THADA: variants seen among roughly 807,000 people sequenced by gnomAD.
THADA encodes the protein THADA armadillo repeat containing, also known as tRNA (32-2'-O)-methyltransferase regulator THADA.
THADA carries 213 observed loss-of-function variants against 219.8 expected under a neutral mutation model. The observed-to-expected ratio is 0.97, with a 90% confidence interval of 0.87 to 1.09. THADA has a LOEUF of 1.09. Ranked by LOEUF, THADA falls within the 50% of genes least tolerant of loss-of-function variation. THADA has a pLI of 0.00. For synonymous variants in THADA, 1,018 were observed against 828.9 expected (o/e 1.23, Z -3.92); for missense variants, 2,956 against 2,311.3 (o/e 1.28, Z -5.72).
intron 21 of THADA, among the ~76,000 whole-genome samples, chr2:43,534,207 A>G (rs1694256950): frequency 2.0e-5 from 3 of 152,186 alleles, no homozygotes; most frequent in Non-Finnish European, 4.4e-5. Context: ...TCATTGACAA[A>G]TAATTATCCA....
intron 26 of THADA, among the ~76,000 whole-genome samples, chr2:43,458,147 G>C (rs2104918998): frequency 6.6e-6 from 1 of 152,278 alleles, no homozygotes; most frequent in South Asian, 2.1e-4. Flanking sequence ...GGTTACTCAA[G>C]TTCATGGATT....
chr2:43,361,345 T>C (rs11884007), intron 29 of THADA, among the ~76,000 whole-genome samples: 4,146 of 152,294 alleles, frequency 0.027, 136 homozygotes, highest in African/African-American at 0.076. Context: ...TAAAAGATAA[T>C]TGATGTACAA....
chr2:43,567,156 T>C (rs1470563894), intron 14 of THADA, among the ~76,000 whole-genome samples: 2 of 151,686 alleles, frequency 1.3e-5, no homozygotes, highest in Admixed American at 6.6e-5. Context: ...CTACCAAAGA[T>C]CCCTGCATTC....
In THADA at chr2:43,398,057, T is replaced by G. The variant is rs370231636; in HGVS notation, c.4141A>C (p.Asn1381His). ...VPFVMIDHIP[N>H]TIRTLLSTLP... ...GTGGACAACAGAGTTCGAATGGTAT[T>G]AGGAATGTGATCTATCATAACAAAT... The change falls in exon 29 of 38, where the codon AAT becomes CAT. Residue 1381 changes from asparagine (N) to histidine (H), a missense_variant. Physicochemically the swap from Asn to His is moderately conservative, Grantham distance 68. Transcript: ENST00000405975. 2.1e-4 allele frequency: 340 copies of G among 1,613,842 alleles called. 1 individual carries two copies. Among genetic ancestry groups the G allele is most frequent in the Non-Finnish European group, 2.7e-4 (318 of 1,179,858 alleles).
intron 26 of THADA, among the ~76,000 whole-genome samples, chr2:43,469,152 G>A (rs971598310): frequency 2.9e-4 from 44 of 152,244 alleles, no homozygotes; most frequent in African/African-American, 1.0e-3. Context: ...TCAGCATACT[G>A]TAAGCAAAAG....
chr2:43,585,930 C>G (rs1700974957), intron 7 of THADA, among the ~76,000 whole-genome samples: 2 of 151,686 alleles, frequency 1.3e-5, no homozygotes, highest in Admixed American at 6.6e-5. Flanking sequence ...AATTAAATAT[C>G]AAACCTCTAA....
intron 27 of THADA, 117 bp from the exon 28 acceptor site, chr2:43,428,348 C>T (rs755736469): frequency 2.6e-5 from 26 of 1,008,740 alleles, no homozygotes; most frequent in Non-Finnish European, 3.5e-5. Flanking sequence ...TGACTAATGC[C>T]TGTAATCCCA....
chr2:43,570,584 T>C, intron 13 of THADA, 74 bp from the exon 14 acceptor site: 1 of 1,483,484 alleles, frequency 6.7e-7, no homozygotes. Flanking sequence ...AGGCAAATTA[T>C]TTAGAATAAA....
intron 21 of THADA, among the ~76,000 whole-genome samples, chr2:43,529,272 A>T (rs1693573257): frequency 6.6e-6 from 1 of 152,148 alleles, no homozygotes; most frequent in African/African-American, 2.4e-5. Context: ...AGGTTACAGT[A>T]ATACTCCCAC....
chr2:43,492,986 G>C (rs1235190224), intron 25 of THADA, among the ~76,000 whole-genome samples: 1 of 152,178 alleles, frequency 6.6e-6, no homozygotes, highest in Non-Finnish European at 1.5e-5. Context: ...AGCACAGCTA[G>C]GTTTCAGCAG....
Position 43,308,417 on chromosome 2 carries a change from G to A in THADA, c.4438+12029C>T, listed in dbSNP as rs560802695. 1.0e-3 allele frequency among the ~76,000 whole-genome samples: 154 copies of A among 150,988 alleles called. 1 individual carries two copies. The highest frequency in any genetic ancestry group is 3.6e-3 in the African/African-American group (147 of 41,156). On this transcript the variant is annotated intron_variant, in intron 31 of 37. Coordinates refer to ENST00000405975, the MANE Select transcript of THADA (RefSeq NM_022065.5). ...AGGAAATATTTAAAGCAATAATGGT[G>A]TTGGGGGCTGGGCACGGTGGCTCAC...
intron 22 of THADA, among the ~76,000 whole-genome samples, chr2:43,515,130 TATATAATATATAA>T: frequency 9.1e-5 from 1 of 11,002 alleles, no homozygotes; most frequent in African/African-American, 4.6e-4. Context: ...ATATATTTTA[TATATAATATATAA>T]TATATTTTAT....
chr2:43,570,237 A>T, intron 14 of THADA, 151 bp downstream of exon 14: 1 of 738,382 alleles, frequency 1.4e-6, no homozygotes, highest in Non-Finnish European at 2.1e-6. Flanking sequence ...GTAGAGTACC[A>T]AAGCACCAGA....
chr2:43,445,150 C>G (rs546726324), intron 26 of THADA, among the ~76,000 whole-genome samples: 2 of 152,240 alleles, frequency 1.3e-5, no homozygotes, highest in South Asian at 4.1e-4. Flanking sequence ...ACAGTGATTG[C>G]TGATAAAAAC....
chr2:43,388,756 A>G (rs1214979678), intron 29 of THADA, among the ~76,000 whole-genome samples: 5 of 152,242 alleles, frequency 3.3e-5, no homozygotes, highest in Non-Finnish European at 5.9e-5. Flanking sequence ...GATAACACAT[A>G]AAGTCAAAAT....
intron 30 of THADA, among the ~76,000 whole-genome samples, chr2:43,338,782 G>A (rs544293791): frequency 6.6e-6 from 1 of 152,198 alleles, no homozygotes; most frequent in African/African-American, 2.4e-5. Flanking sequence ...CACCTGAGCT[G>A]TTTCCATGTT....
chr2:43,506,069 TAAAC>T (rs1428081146), intron 23 of THADA, among the ~76,000 whole-genome samples: 7 of 152,190 alleles, frequency 4.6e-5, no homozygotes, highest in Non-Finnish European at 8.8e-5. Flanking sequence ...TCTGATAAAA[TAAAC>T]AAATCAGTTT....
chr2:43,236,948 T>G (rs1486662597), intron 36 of THADA, among the ~76,000 whole-genome samples: 1 of 149,624 alleles, frequency 6.7e-6, no homozygotes, highest in Non-Finnish European at 1.5e-5. Context: ...GGTGGGCGCC[T>G]GTAGTCCCAG....
rs1174916300 is a variant in THADA, at chr2:43,485,252, T to G, written c.3818A>C (p.Glu1273Ala). 1.9e-6 allele frequency: 3 copies of G among 1,612,682 alleles called. No homozygotes were observed. Among genetic ancestry groups the G allele is most frequent in the Non-Finnish European group, 1.7e-6 (2 of 1,179,048 alleles). ...AGCTTACCTATTTGTTTTGGAATGT[T>G]CATCCTTTGCCCTTTTAACTCCAAA... ...RIFGVKRAKD[E>A]HSKTNRMTGR... is the part of the protein sequence containing the mutation. The change falls in exon 26 of 38, where the codon GAA (glutamate) becomes GCA (alanine). Residue 1273 changes from glutamate to alanine, a missense_variant. By Grantham distance (107) the Glu-to-Ala change is moderately radical. Transcript: ENST00000405975.
Sources: gnomAD v4.1 joint callset for allele counts (sites outside exome capture counted in the v4.1 genomes callset) on GRCh38, gnomAD v4.1.1 for gene constraint, MANE v1.5 for transcripts, NCBI Gene and HGNC (gene_info 2026-07-23, HGNC 2026-07-21) for gene names.